CADPS: variants seen among roughly 807,000 people sequenced by gnomAD.
The protein encoded by CADPS is calcium-dependent secretion activator 1.
In CADPS, 57 loss-of-function variants were observed where a neutral mutation model predicts 167.3. The observed-to-expected ratio is 0.34, with a 90% confidence interval of 0.28 to 0.42. The LOEUF (loss-of-function observed/expected upper bound fraction) is 0.42, where lower values mean the gene tolerates loss of function less well. Ranked by LOEUF, CADPS falls within the 20% of genes least tolerant of loss-of-function variation. The pLI is 1.00. For synonymous variants in CADPS, 676 were observed against 635.3 expected (o/e 1.06, Z -0.96); for missense variants, 1,414 against 1,738.1 (o/e 0.81, Z 3.32).
chr3:62,782,368 C>T (rs749843006), intron 1 of CADPS, among the ~76,000 whole-genome samples: 11 of 152,146 alleles, frequency 7.2e-5, no homozygotes, highest in Admixed American at 1.3e-4. Context: ...CACTATGTGC[C>T]AAGCACTGTT....
intron 3 of CADPS, among the ~76,000 whole-genome samples, chr3:62,749,371 G>A (rs925465424): frequency 1.3e-5 from 2 of 152,188 alleles, no homozygotes; most frequent in African/African-American, 4.8e-5. Context: ...TAAAGAGAGA[G>A]CATGGGAACT....
intron 1 of CADPS, among the ~76,000 whole-genome samples, chr3:62,805,622 C>G (rs541189484): frequency 6.6e-6 from 1 of 152,284 alleles, no homozygotes; most frequent in East Asian, 1.9e-4. Flanking sequence ...AGCAGCTGTG[C>G]TAACTGAAGG....
chr3:62,567,597 T>C lies in CADPS; in HGVS notation c.1644+3275A>G, dbSNP rs1023674936. ...TTTTTTTTTTTTTTTTTTTTTTTTT[T>C]AGAGTCTCACTCTGTCTCCCAGGCT... On this transcript the variant is annotated intron_variant, in intron 9 of 29. Coordinates refer to ENST00000383710, the MANE Select transcript of CADPS (RefSeq NM_003716.4). Among the ~76,000 whole-genome samples, 4 of 101,526 alleles carry C rather than the reference T, an allele frequency of 3.9e-5. No individual in the cohort carries two copies. In the East Asian group the frequency reaches 1.1e-3, roughly 27 times the overall value. 66.6% of individuals were successfully genotyped at this position (101,526 alleles called of 152,430 possible). A position where few individuals can be genotyped will look rare whatever the true frequency, so the allele number is the denominator to read the frequency against.
chr3:62,536,514 G>A lies in CADPS; in HGVS notation c.2034C>T (p.His678=), dbSNP rs879070023. 10 of 1,612,834 alleles carry A rather than the reference G, an allele frequency of 6.2e-6. No homozygotes were observed. The highest frequency in any genetic ancestry group is 2.7e-5 in the African/African-American group (2 of 74,844). The change falls in exon 12 of 30, where the codon CAC becomes CAT. Residue 678 remains histidine (H), a synonymous_variant. Coordinates refer to ENST00000383710, the MANE Select transcript of CADPS (RefSeq NM_003716.4). ...FISSNPCNFD[H]ASLFEMVQRL... is the part of the protein sequence containing the mutation. ...GTTGTACCATCTCAAAGAGGGAAGC[G>A]TGGTCAAAGTTACAGGGGTTGGAAG... is the stretch of plus-strand genomic sequence containing the variant.
At chr3:62,834,705 T>C (rs1396932558) in intron 1 of CADPS, among the ~76,000 whole-genome samples, 1 of 152,206 alleles carries the variant, frequency 6.6e-6, no homozygotes, top group Non-Finnish European at 1.5e-5. Context: ...TTCAGTAGTA[T>C]AAGTATTATT....
At chr3:62,449,276 T>A (rs59695533) in intron 26 of CADPS, among the ~76,000 whole-genome samples, 3,298 of 152,284 alleles carry the variant, frequency 0.022, 117 homozygotes, top group African/African-American at 0.074. Context: ...TTTTCTTTTC[T>A]TTTCTTTTCT....
intron 1 of CADPS, among the ~76,000 whole-genome samples, chr3:62,831,012 T>C (rs955802036): frequency 1.3e-5 from 2 of 152,160 alleles, no homozygotes; most frequent in Non-Finnish European, 2.9e-5. Flanking sequence ...CATAGAGTTA[T>C]AGACAAATAT....
chr3:62,675,119 T>C lies in CADPS; in HGVS notation c.889-12725A>G, dbSNP rs562361316. Among the ~76,000 whole-genome samples, 10 of 152,260 alleles carry C rather than the reference T, an allele frequency of 6.6e-5. No individual in the cohort carries two copies. The East Asian group carries it at 1.4e-3, about 21-fold the overall frequency. On this transcript the variant is annotated intron_variant, in intron 3 of 29. Coordinates refer to ENST00000383710, the MANE Select transcript of CADPS (RefSeq NM_003716.4). ...AGAATTACTCAGGGATCCAAGCACATGGAAGCACCACCATTTTGTGACTCT... is the reference window on the plus strand; with the variant it reads ...AGAATTACTCAGGGATCCAAGCACACGGAAGCACCACCATTTTGTGACTCT...
chr3:62,719,533 T>C (rs2075335151), intron 3 of CADPS, among the ~76,000 whole-genome samples: 1 of 152,240 alleles, frequency 6.6e-6, no homozygotes, highest in African/African-American at 2.4e-5. Flanking sequence ...TCCTCAATGA[T>C]CTGTATGGTA....
chr3:62,739,626 C>T (rs989036477), intron 3 of CADPS, among the ~76,000 whole-genome samples: 8 of 152,154 alleles, frequency 5.3e-5, no homozygotes, highest in Non-Finnish European at 8.8e-5. Context: ...ACTCAGATTC[C>T]ACCCTTACTC....
At chr3:62,605,606 A>C (rs2060590475) in intron 6 of CADPS, among the ~76,000 whole-genome samples, 1 of 152,228 alleles carries the variant, frequency 6.6e-6, no homozygotes, top group Non-Finnish European at 1.5e-5. Context: ...GGAATCTGGC[A>C]GCCTAGCTTC....
intron 3 of CADPS, among the ~76,000 whole-genome samples, chr3:62,712,636 A>G (rs1366642754): frequency 3.9e-5 from 6 of 152,220 alleles, no homozygotes; most frequent in African/African-American, 7.2e-5. Flanking sequence ...GAGTTGAAAC[A>G]TTTGCTATTT....
At chr3:62,873,617 CTTTTTTTTTT>C (rs3047307) in intron 1 of CADPS, among the ~76,000 whole-genome samples, 2 of 132,320 alleles carry the variant, frequency 1.5e-5, no homozygotes, top group South Asian at 2.5e-4. Flanking sequence ...AAATAGGCGC[CTTTTTTTTTT>C]TTTTTTTAAC....
intron 1 of CADPS, among the ~76,000 whole-genome samples, chr3:62,823,899 G>A (rs996040890): frequency 6.6e-6 from 1 of 152,132 alleles, no homozygotes. Flanking sequence ...GGGGGCTGCA[G>A]GTTTACAAGT....
chr3:62,467,443 A>T, intron 24 of CADPS: 1 of 364,578 alleles, frequency 2.7e-6, no homozygotes, highest in Non-Finnish European at 4.4e-6. Flanking sequence ...ATATGGAAAT[A>T]AGCCATAGTA....
chr3:62,793,698 C>A (rs1024709349), intron 1 of CADPS, among the ~76,000 whole-genome samples: 1 of 152,178 alleles, frequency 6.6e-6, no homozygotes, highest in African/African-American at 2.4e-5. Context: ...CATGGACTTT[C>A]ACATACAATT....
chr3:62,439,194 G>A (rs1283222679), intron 27 of CADPS: 4 of 152,130 alleles, frequency 2.6e-5, no homozygotes, highest in African/African-American at 9.7e-5. Context: ...ATTTACCTTA[G>A]ATCACAAAGT....
chr3:62,428,056 G>A (rs1457091637), intron 28 of CADPS, among the ~76,000 whole-genome samples: 1 of 152,106 alleles, frequency 6.6e-6, no homozygotes, highest in African/African-American at 2.4e-5. Context: ...GCCCAATATG[G>A]CAAGTGACAC....
rs2051338252 is a variant in CADPS, at chr3:62,421,335, C to T, written c.3777+16769G>A. Among the ~76,000 whole-genome samples the T allele has an allele frequency of 1.3e-5, 2 of 151,274 alleles. No homozygotes were observed. Among genetic ancestry groups the T allele is most frequent in the Admixed American group, 6.6e-5 (1 of 15,166 alleles). On this transcript the variant is annotated intron_variant, in intron 28 of 29. Transcript: ENST00000383710. This position sits in a 1 kb window ranked among gnomAD's most constrained non-coding sequence, Gnocchi z 4.7. ...AATGAAATTGAATAAGCTCTCAGTA[C>T]TTGAGGCGCACAGCGAGCGCCTGAA...
Sources: allele counts gnomAD v4.1 joint callset (sites outside exome capture counted in the v4.1 genomes callset), GRCh38; gene constraint gnomAD v4.1.1; non-coding constraint Gnocchi (gnomAD v3.1); transcripts MANE v1.5; gene names NCBI Gene and HGNC (gene_info 2026-07-23, HGNC 2026-07-21).